TJP3: variants seen among roughly 807,000 people sequenced by gnomAD.
The protein encoded by TJP3 is tight junction protein 3, also known as tight junction protein ZO-3.
Under a neutral mutation model 104.2 loss-of-function variants are expected in TJP3, and 85 were observed. The ratio of observed to expected loss-of-function variants is 0.82; its 90% confidence interval spans 0.68 to 0.98. The LOEUF (loss-of-function observed/expected upper bound fraction) is 0.98, where lower values mean the gene tolerates loss of function less well. Ranked by LOEUF, TJP3 falls within the 50% of genes least tolerant of loss-of-function variation. The pLI, the probability that TJP3 is intolerant of heterozygous loss-of-function variation, is 0.00. For synonymous variants in TJP3, 550 were observed against 550.6 expected, an observed-to-expected ratio of 1.00 and a Z score of 0.02; for missense variants, 1,367 against 1,322.8, an observed-to-expected ratio of 1.03 and a Z score of -0.52.
chr19:3,729,863 G>A (rs3786986), intron 3 of TJP3, among the ~76,000 whole-genome samples, 165 bp from the exon 4 acceptor site: 25,377 of 151,530 alleles, frequency 0.17, 2,394 homozygotes, highest in Non-Finnish European at 0.22. Flanking sequence ...GTGAGAAAAC[G>A]GAGGCCCAGA....
intron 5 of TJP3, among the ~76,000 whole-genome samples, chr19:3,731,095 T>C (rs1359252623): frequency 6.6e-6 from 1 of 152,060 alleles, no homozygotes; most frequent in Non-Finnish European, 1.5e-5. Flanking sequence ...ATATATTCTC[T>C]CTAGCTCTTT....
At chr19:3,724,661 C>G (rs532558180) in intron 1 of TJP3, among the ~76,000 whole-genome samples, 3 of 152,148 alleles carry the variant, frequency 2.0e-5, no homozygotes, top group Non-Finnish European at 4.4e-5. Flanking sequence ...CTCAGCCTCT[C>G]GAGGAGCTGG....
At position 3,716,706 on chromosome 19, in the gene TJP3, G is replaced by C. The variant is rs1159545266; in HGVS notation, c.-10+8145G>C. On this transcript the variant is annotated intron_variant, in intron 1 of 20. Coordinates refer to ENST00000541714, the MANE Select transcript of TJP3 (RefSeq NM_001267560.2). The stretch of plus-strand genomic sequence containing the variant: ...AAGGGCAAGATCATGGATCACTGCA[G>C]CCTCGACCTCCTGGGCTCAAATGAT... Among the ~76,000 whole-genome samples, 11 of 142,490 alleles carry C rather than the reference G, an allele frequency of 7.7e-5. 2 individuals carry two copies. The highest frequency in any genetic ancestry group is 2.3e-4 in the African/African-American group (9 of 39,878). The allele number at this position is 142,490 out of a possible 152,430, so 93.5% of individuals were successfully genotyped here.
chr19:3,723,329 C>A (rs1388060194), intron 1 of TJP3, among the ~76,000 whole-genome samples: 1 of 152,062 alleles, frequency 6.6e-6, no homozygotes, highest in Non-Finnish European at 1.5e-5. Context: ...GCCAGGGAGT[C>A]CAGTACCAGC....
intron 1 of TJP3, among the ~76,000 whole-genome samples, chr19:3,725,701 A>G (rs1478277587): frequency 6.6e-6 from 1 of 151,858 alleles, no homozygotes; most frequent in Non-Finnish European, 1.5e-5. Context: ...TCTCAAAAAA[A>G]AAAAAAAAAA....
intron 1 of TJP3, among the ~76,000 whole-genome samples, chr19:3,710,740 A>G (rs1190073478): frequency 6.6e-6 from 1 of 151,470 alleles, no homozygotes; most frequent in Non-Finnish European, 1.5e-5. Flanking sequence ...GTGTGGGGTC[A>G]CCAGGCCTTG....
intron 15 of TJP3, among the ~76,000 whole-genome samples, chr19:3,744,556 C>T (rs1292390397): frequency 2.6e-5 from 4 of 151,228 alleles, no homozygotes; most frequent in Non-Finnish European, 5.9e-5. Flanking sequence ...CCCAGCTACT[C>T]GGGAGGCTGA....
In TJP3 at chr19:3,740,712, C is replaced by G. The variant is rs749958019; in HGVS notation, c.1792C>G (p.Leu598Val). Residue 598 changes from leucine (L) to valine (V), a missense_variant, in exon 14 of 21, where the codon CTG becomes GTG. Coordinates refer to ENST00000541714, the MANE Select transcript of TJP3 (RefSeq NM_001267560.2). ...TQRSREDLSALTRQGRYPPYE... is the reference protein window; with the variant it reads ...TQRSREDLSAVTRQGRYPPYE... ...GCGGAGCCGTGAGGACCTCTCAGCTCTGACCCGACAGGGCCGCTACCCGCC... is the reference window on the plus strand; with the variant it reads ...GCGGAGCCGTGAGGACCTCTCAGCTGTGACCCGACAGGGCCGCTACCCGCC... The G allele has an allele frequency of 6.2e-6, 10 of 1,604,150 alleles. No homozygotes were observed. In the African/African-American group the frequency reaches 1.3e-4, roughly 22 times the overall value.
At chr19:3,719,372 C>T (rs1356789283) in intron 1 of TJP3, among the ~76,000 whole-genome samples, 1 of 152,042 alleles carries the variant, frequency 6.6e-6, no homozygotes, top group Non-Finnish European at 1.5e-5. Context: ...GAGTTTGGGG[C>T]TCCAGGAACC....
chr19:3,727,839 G>A (rs1420235656), intron 1 of TJP3, among the ~76,000 whole-genome samples: 2 of 151,750 alleles, frequency 1.3e-5, no homozygotes, highest in African/African-American at 4.8e-5. Flanking sequence ...CTACTCAGGA[G>A]GCTGAGGCAG....
chr19:3,738,586 G>T lies in TJP3; in HGVS notation c.1316G>T (p.Arg439Leu), dbSNP rs368423278. 6.2e-7 allele frequency: 1 copy of T among 1,613,826 alleles called. No individual in the cohort carries two copies. The highest frequency in any genetic ancestry group is 1.7e-5 in the Admixed American group (1 of 59,986). ...GACGTGCCATTCCAGAACCTGACAC[G>T]GGAGGAGGCAGTGCAGTTCCTGCTG... is the stretch of plus-strand genomic sequence containing the variant. ...VNDVPFQNLT[R>L]EEAVQFLLGL... The change falls in exon 12 of 21, where the codon CGG becomes CTG. Residue 439 changes from arginine (R) to leucine (L), a missense_variant. Transcript: ENST00000541714.
intron 1 of TJP3, among the ~76,000 whole-genome samples, chr19:3,725,709 A>C (rs1238383310): frequency 6.6e-6 from 1 of 151,770 alleles, no homozygotes; most frequent in Non-Finnish European, 1.5e-5. Context: ...AAAAAAAAAA[A>C]AACTACACAA....
intron 9 of TJP3, 101 bp downstream of exon 9, chr19:3,735,740 G>C: frequency 1.3e-6 from 2 of 1,583,858 alleles, no homozygotes; most frequent in Non-Finnish European, 1.7e-6. Flanking sequence ...AGCCTAAGTG[G>C]TGAGACATGG....
At chr19:3,718,059 C>CA (rs1256255464) in intron 1 of TJP3, among the ~76,000 whole-genome samples, 2 of 151,612 alleles carry the variant, frequency 1.3e-5, no homozygotes, top group Non-Finnish European at 2.9e-5. Flanking sequence ...ACTAAAAGTA[C>CA]AAAAATCAGC....
At chr19:3,750,231 G>C in intron 20 of TJP3, 47 bp downstream of exon 20, 1 of 1,612,202 alleles carries the variant, frequency 6.2e-7, no homozygotes, top group Non-Finnish European at 8.5e-7. Context: ...CTTCCCTTGG[G>C]ACTCAGACTC....
At position 3,744,031 on chromosome 19, in the gene TJP3, G is replaced by A. The variant is rs574919727; in HGVS notation, c.1936G>A (p.Ala646Thr). 7.7e-5 allele frequency: 124 copies of A among 1,613,792 alleles called. No individual in the cohort carries two copies. Among genetic ancestry groups the A allele is most frequent in the Admixed American group, 3.8e-4 (23 of 59,976 alleles). The change falls in exon 15 of 21, where the codon GCA becomes ACA. Residue 646 changes from alanine (A) to threonine (T), a missense_variant. Physicochemically the swap from Ala to Thr is moderately conservative, Grantham distance 58. Transcript: ENST00000541714. ...TGAGATGCCTGACCAGTTTGAAATC[G>A]CAGGTGAGAAGCCAGATCCTCTGGA... ...TAEMPDQFEI[A>T]ETVSRTDSPS...
At chr19:3,738,434 T>G in intron 11 of TJP3, 121 bp from the exon 12 acceptor site, 1 of 799,408 alleles carries the variant, frequency 1.3e-6, no homozygotes, top group Non-Finnish European at 2.1e-6. Context: ...AACTGCCGGG[T>G]CCCTTGGCAG....
At chr19:3,726,372 C>T (rs925429309) in intron 1 of TJP3, among the ~76,000 whole-genome samples, 2 of 151,250 alleles carry the variant, frequency 1.3e-5, no homozygotes, top group South Asian at 2.1e-4. Flanking sequence ...CCAAGGCGGG[C>T]GGATCACTTG....
rs146177411 is a variant in TJP3, at chr19:3,728,654, C to T, written c.99C>T (p.Pro33=). The change falls in exon 3 of 21, where the codon CCC becomes CCT. Residue 33 remains proline, a synonymous_variant. Coordinates refer to ENST00000541714, the MANE Select transcript of TJP3 (RefSeq NM_001267560.2). Reference sequence around the variant, plus strand: ...CGATCTCTGGAGGCCGAGACCGGCCCGGTGGATCCATGGTTGTATCTGACG... The same window carrying T: ...CGATCTCTGGAGGCCGAGACCGGCCTGGTGGATCCATGGTTGTATCTGACG... ...GIAISGGRDR[P]GGSMVVSDVV... is the part of the protein sequence containing the mutation. 3.3e-5 allele frequency: 53 copies of T among 1,613,610 alleles called. No individual in the cohort carries two copies. The highest frequency in any genetic ancestry group is 1.2e-4 in the Admixed American group (7 of 59,978).
Sources: gnomAD v4.1 joint callset for allele counts (sites outside exome capture counted in the v4.1 genomes callset) on GRCh38, gnomAD v4.1.1 for gene constraint, MANE v1.5 for transcripts, NCBI Gene and HGNC (gene_info 2026-07-23, HGNC 2026-07-21) for gene names.